The following INTS6 variants were observed in gnomAD, a reference collection of about 807,000 sequenced individuals.
INTS6 encodes the protein integrator complex subunit 6, also known as DEAD box protein.
INTS6 carries 16 observed loss-of-function variants against 104.9 expected under a neutral mutation model. The observed-to-expected ratio is 0.15, with a 90% CI of 0.10 to 0.23. INTS6 has a LOEUF of 0.23. INTS6 is among the 10% of genes least tolerant of loss of function. INTS6 has a pLI of 1.00. For missense variants in INTS6, 584 were observed against 1,062.8 expected, an observed-to-expected ratio of 0.55 and a Z score of 6.26; for synonymous variants, 324 against 358.7, an observed-to-expected ratio of 0.90 and a Z score of 1.09.
At chr13:51,442,563 GT>G (rs1338602255) in intron 3 of INTS6, 2 of 152,278 alleles carry the variant, frequency 1.3e-5, no homozygotes, top group East Asian at 3.9e-4. Context: ...CTAGATCGGG[GT>G]CCCCAACCCC....
chr13:51,405,175 A>AAAT (rs1488316833), intron 4 of INTS6, among the ~76,000 whole-genome samples: 1 of 152,202 alleles, frequency 6.6e-6, no homozygotes, highest in East Asian at 1.9e-4. Context: ...AGGAGACAAG[A>AAAT]AATAATAATA....
chr13:51,344,169 C>G, the INTS6 span: 4 of 978,504 alleles, frequency 4.1e-6, no homozygotes, highest in Non-Finnish European at 4.8e-6. Flanking sequence ...GGCGTTCCAT[C>G]TCAATGCAAT....
intron 3 of INTS6, chr13:51,354,945 C>A: frequency 1.5e-6 from 1 of 655,858 alleles, no homozygotes; most frequent in Non-Finnish European, 2.7e-6. Flanking sequence ...GTGGAGCCAG[C>A]CTGACTTCCA....
intron 3 of INTS6, chr13:51,438,433 G>C (rs1952734645): frequency 6.6e-6 from 1 of 151,636 alleles, no homozygotes; most frequent in African/African-American, 2.4e-5. Context: ...ACTTCATGAA[G>C]AAGCAGATGT....
intron 3 of INTS6, chr13:51,438,739 A>G (rs1952740344): frequency 6.6e-6 from 1 of 152,232 alleles, no homozygotes; most frequent in Non-Finnish European, 1.5e-5. Context: ...AAAATTTTAC[A>G]TTCATTATTT....
intron 3 of INTS6, among the ~76,000 whole-genome samples, chr13:51,434,362 C>T (rs565984043): frequency 1.3e-5 from 2 of 151,842 alleles, no homozygotes; most frequent in East Asian, 3.9e-4. Context: ...TACACAAACA[C>T]AAGATAAAAT....
intron 3 of INTS6, chr13:51,439,308 A>G (rs1952750224): frequency 6.6e-6 from 1 of 152,226 alleles, no homozygotes; most frequent in African/African-American, 2.4e-5. Flanking sequence ...ACAGGCAATA[A>G]AAAACAGGTT....
chr13:51,440,972 C>T (rs1952787057), intron 3 of INTS6: 2 of 152,072 alleles, frequency 1.3e-5, no homozygotes, highest in Non-Finnish European at 2.9e-5. Flanking sequence ...AAGTGTTTAC[C>T]GTAATACTGG....
At chr13:51,421,299 T>C (rs1956891910) in intron 4 of INTS6, 1 of 985,538 alleles carries the variant, frequency 1.0e-6, no homozygotes, top group African/African-American at 1.7e-5. Context: ...CAGTGCACTT[T>C]AGCACTTCTT....
intron 4 of INTS6, among the ~76,000 whole-genome samples, chr13:51,427,583 A>AT (rs1491185714): frequency 6.6e-6 from 1 of 152,174 alleles, no homozygotes; most frequent in Non-Finnish European, 1.5e-5. Context: ...TCGTTGGTAC[A>AT]TTAAGAAGAA....
chr13:51,423,186 C>T, intron 4 of INTS6: 1 of 446,276 alleles, frequency 2.2e-6, no homozygotes, highest in Non-Finnish European at 3.6e-6. Context: ...AAAACTGTTG[C>T]TGAATTAATT....
intron 4 of INTS6, among the ~76,000 whole-genome samples, chr13:51,413,868 A>G (rs115149058): frequency 1.1e-3 from 172 of 152,304 alleles, no homozygotes; most frequent in African/African-American, 4.1e-3. Flanking sequence ...CACACTAGAA[A>G]GCAAAGAAGC....
At chr13:51,348,090 G>A in the INTS6 span, 6 of 705,618 alleles carry the variant, frequency 8.5e-6, no homozygotes, top group African/African-American at 3.6e-5. Context: ...GCCTCCTGAG[G>A]GTGAGGTGGA....
At chr13:51,410,355 G>C (rs930849640) in intron 4 of INTS6, among the ~76,000 whole-genome samples, 2 of 152,204 alleles carry the variant, frequency 1.3e-5, no homozygotes, top group Admixed American at 6.5e-5. Context: ...TTGACACCAT[G>C]TTGTATTGCC....
intron 15 of INTS6, among the ~76,000 whole-genome samples, chr13:51,373,315 T>C (rs1450864068): frequency 2.6e-5 from 4 of 152,248 alleles, no homozygotes; most frequent in African/African-American, 9.6e-5. Flanking sequence ...GACCACTATA[T>C]ATAATTGATA....
At position 51,376,137 on chromosome 13, in the gene INTS6, A is replaced by G. The variant is rs769936425; in HGVS notation, c.1640T>C (p.Ile547Thr). 2.5e-6 allele frequency: 4 copies of G among 1,612,430 alleles called. No homozygotes were observed. Among genetic ancestry groups the G allele is most frequent in the Non-Finnish European group, 3.4e-6 (4 of 1,179,216 alleles). The change falls in exon 13 of 18, where the codon ATA becomes ACA. Residue 547 changes from isoleucine (I) to threonine (T), a missense_variant. By Grantham distance (89) the Ile-to-Thr change is moderately conservative (BLOSUM62 -1). Transcript: ENST00000311234. Reference protein sequence around the residue: ...KPQTFRNAYDIPRRNLLDHLT... With the variant: ...KPQTFRNAYDTPRRNLLDHLT... ...GTGATCCAAAAGATTTCGTCTTGGT[A>G]TGTCATAAGCATTTCTAAATGTCTG...
rs76953824 is a variant in INTS6, at chr13:51,407,378, A to G, written c.430-11895T>C. ...TGGAAAGCAATGAAACATTGTGAACAGTAGAGTAATACACTCAAGTGGTAT... is the reference window on the plus strand; with the variant it reads ...TGGAAAGCAATGAAACATTGTGAACGGTAGAGTAATACACTCAAGTGGTAT... On this transcript the variant is annotated intron_variant, in intron 4 of 17. Coordinates refer to ENST00000311234, the MANE Select transcript of INTS6 (RefSeq NM_012141.3). Among the ~76,000 whole-genome samples, 353 of 152,384 alleles carry G rather than the reference A, an allele frequency of 2.3e-3. 2 individuals are homozygous for G. Among genetic ancestry groups the G allele is most frequent in the African/African-American group, 7.3e-3 (303 of 41,590 alleles).
Position 51,433,285 on chromosome 13 carries a change from A to G in INTS6, c.340-2902T>C, listed in dbSNP as rs151213240. Among the ~76,000 whole-genome samples, 3 of 152,286 alleles carry G rather than the reference A, an allele frequency of 2.0e-5. No individual in the cohort carries two copies. In the East Asian group the frequency reaches 5.8e-4, roughly 29 times the overall value. On this transcript the variant is annotated intron_variant, in intron 3 of 17. Coordinates refer to ENST00000311234, the MANE Select transcript of INTS6 (RefSeq NM_012141.3). ...ACTGTGAAAAACCTCGTCTCCATGA[A>G]AAAATACAAAAATTAGCCAAGTGTG...
rs1955925501 is a variant in INTS6, at chr13:51,376,095, G to C, written c.1682C>G (p.Ser561Cys). 6.2e-7 allele frequency: 1 copy of C among 1,611,446 alleles called. No individual in the cohort carries two copies. The highest frequency in any genetic ancestry group is 8.5e-7 in the Non-Finnish European group (1 of 1,179,120). Reference protein sequence around the residue: ...NLLDHLTRMRSNLLKSTRRFL... With the variant: ...NLLDHLTRMRCNLLKSTRRFL... Reference sequence around the variant, plus strand: ...TCTGCGAGTGCTCTTCAAAAGATTAGATCTCATTCTTGTTAAGTGATCCAA... The same window carrying C: ...TCTGCGAGTGCTCTTCAAAAGATTACATCTCATTCTTGTTAAGTGATCCAA... The change falls in exon 13 of 18, where the codon TCT (serine) becomes TGT (cysteine). Residue 561 changes from serine (S) to cysteine (C), a missense_variant. Ser to Cys is a moderately radical substitution (Grantham distance 112). This residue lies in a region of INTS6 where 296 missense variants were observed against 437.0 expected (regional missense o/e 0.68). Transcript: ENST00000311234.
Sources: allele counts gnomAD v4.1 joint callset (sites outside exome capture counted in the v4.1 genomes callset), GRCh38; gene constraint gnomAD v4.1.1; regional missense constraint gnomAD v4.1.1; transcripts MANE v1.5; gene names NCBI Gene and HGNC (gene_info 2026-07-23, HGNC 2026-07-21).